Variants in COMMD2 observed in about 807,000 individuals in gnomAD.
COMMD2 encodes COMM domain-containing protein 2.
Under a neutral mutation model 22.5 loss-of-function variants are expected in COMMD2, and 25 were observed. The ratio of observed to expected loss-of-function variants is 1.11; its 90% CI spans 0.81 to 1.55. The LOEUF is 1.55. COMMD2 is among the 40% of genes most tolerant of loss of function. The probability of loss-of-function intolerance (pLI) is 0.00; values close to 1 mark genes in which losing one functional copy is unlikely to be tolerated. For synonymous variants in COMMD2, 98 were observed against 91.2 expected, an observed-to-expected ratio of 1.07 and a Z score of -0.42; for missense variants, 223 against 232.9, an observed-to-expected ratio of 0.96 and a Z score of 0.28.
chr3:149,751,721 T>C (rs947405185), intron 2 of COMMD2: 5 of 354,020 alleles, frequency 1.4e-5, no homozygotes. Context: ...TAGTATCAGG[T>C]GCGTAGCCCT....
In COMMD2 at chr3:149,739,672, T is replaced by C. The variant is rs1298016463; in HGVS notation, c.*1849A>G. 1.3e-5 allele frequency: 2 copies of C among 152,234 alleles called. No individual in the cohort carries two copies. Among genetic ancestry groups the C allele is most frequent in the African/African-American group, 4.8e-5 (2 of 41,460 alleles). The allele number at this position is 152,234 out of a possible 1,614,324, so 9.4% of individuals were successfully genotyped here. On this transcript the variant is annotated 3_prime_UTR_variant, in exon 5 of 5. Transcript: ENST00000473414. ...AAAACCCTTACAGAGGTATTTTTTATCATATGTTTTGCAGGCATGTTGCTT... is the reference window on the plus strand; with the variant it reads ...AAAACCCTTACAGAGGTATTTTTTACCATATGTTTTGCAGGCATGTTGCTT...
rs1716158301 is a variant in COMMD2 at position 149,739,707 on chromosome 3, A to G, written c.*1814T>C. The stretch of plus-strand genomic sequence containing the variant: ...TGCAGGCATGTTGCTTTTAAACCCA[A>G]TGACATATGCTACTATTTCACGTAA... On this transcript the variant is annotated 3_prime_UTR_variant, in exon 5 of 5. Coordinates refer to ENST00000473414, the MANE Select transcript of COMMD2 (RefSeq NM_016094.4). The G allele has an allele frequency of 6.6e-6, 1 of 152,184 alleles. No individual in the cohort carries two copies. Among genetic ancestry groups the G allele is most frequent in the African/African-American group, 2.4e-5 (1 of 41,446 alleles). The allele number at this position is 152,184 out of a possible 1,614,324, so 9.4% of individuals were successfully genotyped here. A position where few individuals can be genotyped will look rare whatever the true frequency, so the allele number is the denominator to read the frequency against.
chr3:149,752,303 G>A lies in COMMD2; in HGVS notation c.68-16C>T, dbSNP rs752790023. 6.2e-7 allele frequency: 1 copy of A among 1,614,088 alleles called. No individual in the cohort carries two copies. Among genetic ancestry groups the A allele is most frequent in the Non-Finnish European group, 8.5e-7 (1 of 1,179,928 alleles). ...TCGGCGACCACTGCAATGAAAGTCA[G>A]AAGGCTGTTGAGTGCCAGGCGCTGC... is the stretch of plus-strand genomic sequence containing the variant. On this transcript the variant is annotated splice_polypyrimidine_tract_variant and intron_variant, in intron 1 of 4. Transcript: ENST00000473414.
chr3:149,748,252 A>C (rs546231263), intron 4 of COMMD2, among the ~76,000 whole-genome samples: 1 of 152,328 alleles, frequency 6.6e-6, no homozygotes, highest in South Asian at 2.1e-4. Flanking sequence ...GTGGGTCCTC[A>C]TACAGGCTGA....
intron 4 of COMMD2, among the ~76,000 whole-genome samples, chr3:149,742,300 T>C (rs1218602980): frequency 1.3e-5 from 2 of 152,178 alleles, no homozygotes; most frequent in Non-Finnish European, 2.9e-5. Flanking sequence ...ATACCAAGCA[T>C]TGCAAGTGGC....
chr3:149,741,167 G>A lies in COMMD2; in HGVS notation c.*354C>T, dbSNP rs540087983. 4 of 180,748 alleles carry A rather than the reference G, an allele frequency of 2.2e-5. No homozygotes were observed. Among genetic ancestry groups the A allele is most frequent in the South Asian group, 1.2e-4 (1 of 8,254 alleles). The allele number at this position is 180,748 out of a possible 1,614,324, so 11.2% of individuals were successfully genotyped here. On this transcript the variant is annotated 3_prime_UTR_variant, in exon 5 of 5. Coordinates refer to ENST00000473414, the MANE Select transcript of COMMD2 (RefSeq NM_016094.4). ...CAACCTCCACCTCCCAGGTTCAAGCGATTCTCCTGCCTCAGCCTCCTGAGT... is the reference window on the plus strand; with the variant it reads ...CAACCTCCACCTCCCAGGTTCAAGCAATTCTCCTGCCTCAGCCTCCTGAGT...
intron 4 of COMMD2, among the ~76,000 whole-genome samples, chr3:149,745,548 C>G (rs1457954386): frequency 2.6e-5 from 4 of 152,146 alleles, no homozygotes; most frequent in Non-Finnish European, 5.9e-5. Flanking sequence ...TTTGGTCTCC[C>G]TCTTACTGTA....
chr3:149,750,420 G>A (rs779485733), intron 4 of COMMD2: 1 of 516,414 alleles, frequency 1.9e-6, no homozygotes. Flanking sequence ...AAACATCTAG[G>A]CACCAACCTA....
rs896576250 is a variant in COMMD2, at chr3:149,739,075, T to C, written c.*2446A>G. 6.6e-6 allele frequency: 1 copy of C among 152,128 alleles called. No homozygotes were observed. Among genetic ancestry groups the C allele is most frequent in the African/African-American group, 2.4e-5 (1 of 41,424 alleles). 9.4% of individuals were successfully genotyped at this position (152,128 alleles called of 1,614,324 possible). A position where few individuals can be genotyped will look rare whatever the true frequency, so the allele number is the denominator to read the frequency against. ...CTTTGAGACATGAAGGATATGACAT[T>C]TAAGTCTAAACATGCACCAGCCAAT... is the stretch of plus-strand genomic sequence containing the variant. On this transcript the variant is annotated 3_prime_UTR_variant, in exon 5 of 5. Transcript: ENST00000473414.
rs187001008 is a variant in COMMD2, at chr3:149,742,587, A to G, written c.403-869T>C. On this transcript the variant is annotated intron_variant, in intron 4 of 4. Transcript: ENST00000473414. ...ATGGGTTATCATAGAAGAAATGAAA[A>G]TGTTGAAAAAAAGCAAGTCACAGAA... 4.2e-3 allele frequency among the ~76,000 whole-genome samples: 640 copies of G among 152,362 alleles called. 6 individuals are homozygous for G. Among genetic ancestry groups the G allele is most frequent in the African/African-American group, 0.015 (615 of 41,588 alleles).
intron 4 of COMMD2, among the ~76,000 whole-genome samples, chr3:149,742,728 G>A (rs1032871521): frequency 6.6e-6 from 1 of 152,138 alleles, no homozygotes; most frequent in Admixed American, 6.5e-5. Flanking sequence ...CAGCACTTTT[G>A]GGGGCTGAGA....
intron 4 of COMMD2, chr3:149,750,372 C>A: frequency 2.1e-6 from 1 of 469,782 alleles, no homozygotes; most frequent in Non-Finnish European, 4.2e-6. Flanking sequence ...GACCTGTGCA[C>A]TTTTCTACAT....
chr3:149,748,800 A>G (rs1246998237), intron 4 of COMMD2, among the ~76,000 whole-genome samples: 1 of 152,252 alleles, frequency 6.6e-6, no homozygotes, highest in Non-Finnish European at 1.5e-5. Context: ...CCCACAGGCC[A>G]TAGTTTTTTG....
At position 149,751,982 on chromosome 3, in the gene COMMD2, T is replaced by C. The variant is rs528522353; in HGVS notation, c.145+228A>G. ...TATTTCTGAAAGTAAGGTGGTATTA[T>C]GTACATTTTACCATGAGAAAACTGA... On this transcript the variant is annotated intron_variant, in intron 2 of 4. Transcript: ENST00000473414. The C allele has an allele frequency of 4.4e-5, 22 of 501,868 alleles. No homozygotes were observed. The South Asian group carries it at 6.9e-4, about 16-fold the overall frequency. 31.1% of individuals were successfully genotyped at this position (501,868 alleles called of 1,614,324 possible).
chr3:149,739,611 C>T lies in COMMD2; in HGVS notation c.*1910G>A, dbSNP rs1716156129. ...GCTATTGTTTCATCTTGGCTGGGAT[C>T]AGCCATGTTTACCTTCCATCGAAGG... On this transcript the variant is annotated 3_prime_UTR_variant, in exon 5 of 5. Transcript: ENST00000473414. 1 of 152,226 alleles carries T rather than the reference C, an allele frequency of 6.6e-6. No homozygotes were observed. Among genetic ancestry groups the T allele is most frequent in the African/African-American group, 2.4e-5 (1 of 41,462 alleles). 9.4% of individuals were successfully genotyped at this position (152,226 alleles called of 1,614,324 possible).
chr3:149,745,914 G>A (rs1716354087), intron 4 of COMMD2, among the ~76,000 whole-genome samples: 1 of 152,072 alleles, frequency 6.6e-6, no homozygotes, highest in Admixed American at 6.5e-5. Context: ...TTGTGTTAGT[G>A]GTTGTTTTTC....
chr3:149,750,965 A>G, intron 3 of COMMD2, 114 bp from the exon 4 acceptor site: 1 of 686,914 alleles, frequency 1.5e-6, no homozygotes. Context: ...TAAAAGAAAC[A>G]GCATTCCTTA....
chr3:149,747,879 C>T (rs1251303603), intron 4 of COMMD2, among the ~76,000 whole-genome samples: 3 of 133,228 alleles, frequency 2.3e-5, no homozygotes, highest in South Asian at 2.6e-4. Context: ...ACCCGGGAGG[C>T]GGAGCTTGCA....
intron 4 of COMMD2, chr3:149,750,259 T>G (rs1716494546): frequency 4.8e-6 from 1 of 209,170 alleles, no homozygotes; most frequent in African/African-American, 2.3e-5. Context: ...CTGGTTACCT[T>G]TAGAAAGGAG....
Sources: gnomAD v4.1 joint callset for allele counts (sites outside exome capture counted in the v4.1 genomes callset) on GRCh38, gnomAD v4.1.1 for gene constraint, MANE v1.5 for transcripts, NCBI Gene and HGNC (gene_info 2026-07-23, HGNC 2026-07-21) for gene names.